The following TGM6 variants were observed in gnomAD, a reference collection of about 807,000 sequenced individuals.
TGM6 encodes transglutaminase 6, also known as protein-glutamine gamma-glutamyltransferase 6.
In TGM6, 74 loss-of-function variants were observed where a neutral mutation model predicts 77.5. The observed-to-expected ratio is 0.96, with a 90% CI of 0.79 to 1.16. The LOEUF is 1.16. Among genes scored for constraint, TGM6 ranks in the 50% most tolerant of loss-of-function variants. TGM6 has a pLI of 0.00. For missense variants in TGM6, 968 were observed against 940.2 expected, an observed-to-expected ratio of 1.03 and a Z score of -0.39; for synonymous variants, 383 against 378.9, an observed-to-expected ratio of 1.01 and a Z score of -0.12.
rs3050731 is a variant in TGM6, at chr20:2,406,831, C to CAAAAAAAAAA, written c.1336+3034_1336+3043dup. On this transcript the variant is annotated intron_variant, in intron 9 of 12. Coordinates refer to ENST00000202625, the MANE Select transcript of TGM6 (RefSeq NM_198994.3). Reference sequence around the variant, plus strand: ...CCTCAGCAACAAGTGCGAAACTCCTCAAAAAAAAAAAAAAAAAAAAAAAAA... The same window carrying CAAAAAAAAAA: ...CCTCAGCAACAAGTGCGAAACTCCTCAAAAAAAAAAAAAAAAAAAAAAAAAAAAAAAAAAA... Among the ~76,000 whole-genome samples the CAAAAAAAAAA allele has an allele frequency of 3.8e-4, 24 of 63,708 alleles. 3 individuals are homozygous for CAAAAAAAAAA. Among genetic ancestry groups the CAAAAAAAAAA allele is most frequent in the Admixed American group, 1.8e-3 (6 of 3,372 alleles). 41.8% of individuals were successfully genotyped at this position (63,708 alleles called of 152,430 possible).
chr20:2,412,719 G>A (rs916766452), intron 9 of TGM6, among the ~76,000 whole-genome samples: 2 of 152,066 alleles, frequency 1.3e-5, no homozygotes, highest in African/African-American at 4.8e-5. Context: ...AAATTAATCA[G>A]ATTTCTAGAT....
intron 10 of TGM6, among the ~76,000 whole-genome samples, chr20:2,420,260 A>C (rs548595737): frequency 1.4e-4 from 22 of 152,206 alleles, no homozygotes; most frequent in South Asian, 4.1e-4. Context: ...AACAAACAAA[A>C]AAAAAAGTGA....
chr20:2,403,804 C>A lies in TGM6; in HGVS notation c.1317C>A (p.Asp439Glu). The A allele has an allele frequency of 6.2e-7, 1 of 1,614,170 alleles. No individual in the cohort carries two copies. The highest frequency in any genetic ancestry group is 1.1e-5 in the South Asian group (1 of 91,092). Residue 439 changes from aspartate (D) to glutamate (E), a missense_variant, in exon 9 of 13, where the codon GAC (aspartate) becomes GAA (glutamate). Coordinates refer to ENST00000202625, the MANE Select transcript of TGM6 (RefSeq NM_198994.3). ...GTGACTCCCGCGTGGACATCACTGA[C>A]CTCTACAAGTATCCGGAAGGTAAGG... ...VGSDSRVDITDLYKYPEGSRK... is the reference protein window; with the variant it reads ...VGSDSRVDITELYKYPEGSRK...
Position 2,430,877 on chromosome 20 carries a change from G to C in TGM6, c.1834-17G>C. The C allele has an allele frequency of 1.2e-6, 2 of 1,614,142 alleles. No individual in the cohort carries two copies. The highest frequency in any genetic ancestry group is 8.5e-7 in the Non-Finnish European group (1 of 1,180,040). Reference sequence around the variant, plus strand: ...GGAGGGGTAGGCGCGATGGCTCATGGGTGTTGTCCCCTTCAGGTTCTGGGC... The same window carrying C: ...GGAGGGGTAGGCGCGATGGCTCATGCGTGTTGTCCCCTTCAGGTTCTGGGC... On this transcript the variant is annotated splice_polypyrimidine_tract_variant and intron_variant, in intron 11 of 12. Coordinates refer to ENST00000202625, the MANE Select transcript of TGM6 (RefSeq NM_198994.3).
intron 9 of TGM6, among the ~76,000 whole-genome samples, chr20:2,410,603 C>T (rs551797486): frequency 6.6e-6 from 1 of 152,252 alleles, no homozygotes; most frequent in Non-Finnish European, 1.5e-5. Flanking sequence ...ACACTTGTGA[C>T]TGGAGTCTGA....
chr20:2,396,182 A>C (rs75624009), intron 3 of TGM6, among the ~76,000 whole-genome samples: 7 of 3,562 alleles, frequency 2.0e-3, no homozygotes, highest in African/African-American at 3.5e-3. Context: ...CTCTATCTCA[A>C]AAAAAAAAAA....
At chr20:2,381,983 C>T (rs970613331) in intron 1 of TGM6, among the ~76,000 whole-genome samples, 7 of 40,134 alleles carry the variant, frequency 1.7e-4, no homozygotes, top group African/African-American at 1.1e-3. Context: ...CAAACTCCCT[C>T]TGCAAGAACT....
intron 9 of TGM6, among the ~76,000 whole-genome samples, chr20:2,413,799 G>A (rs1218648363): frequency 6.6e-6 from 1 of 152,106 alleles, no homozygotes; most frequent in Non-Finnish European, 1.5e-5. Flanking sequence ...AAAACTTTTG[G>A]AAGAAAACAT....
chr20:2,388,454 TC>T (rs1599943761), intron 1 of TGM6, among the ~76,000 whole-genome samples: 1 of 152,234 alleles, frequency 6.6e-6, no homozygotes, highest in East Asian at 1.9e-4. Flanking sequence ...GGAGGCAGAT[TC>T]CCAGCTCCAT....
intron 1 of TGM6, among the ~76,000 whole-genome samples, chr20:2,385,753 G>A (rs2084590656): frequency 6.6e-6 from 1 of 152,180 alleles, no homozygotes; most frequent in South Asian, 2.1e-4. Flanking sequence ...GGACGCTGCA[G>A]AGCATCAGCT....
At chr20:2,403,916 C>A in intron 9 of TGM6, 93 bp downstream of exon 9, 1 of 1,599,052 alleles carries the variant, frequency 6.3e-7, no homozygotes, top group South Asian at 1.1e-5. Context: ...CAGGCCTCAC[C>A]CCATGTATAT....
In TGM6 at chr20:2,427,948, C is replaced by T. The variant is rs541910188; in HGVS notation, c.1679-2498C>T. Among the ~76,000 whole-genome samples the T allele has an allele frequency of 3.5e-4, 53 of 152,168 alleles. 1 individual carries two copies. In the East Asian group the frequency reaches 9.1e-3, roughly 26 times the overall value. On this transcript the variant is annotated intron_variant, in intron 10 of 12. Transcript: ENST00000202625. Reference sequence around the variant, plus strand: ...GTTGTAGTTTCATTTTCATTTACTTCGAAATACTTTTAAATTTCTCTTAAG... The same window carrying T: ...GTTGTAGTTTCATTTTCATTTACTTTGAAATACTTTTAAATTTCTCTTAAG...
At chr20:2,400,068 C>G (rs2084695782) in intron 6 of TGM6, among the ~76,000 whole-genome samples, 1 of 152,200 alleles carries the variant, frequency 6.6e-6, no homozygotes, top group South Asian at 2.1e-4. Flanking sequence ...AGCCTGTCTA[C>G]TTACATGAGG....
At chr20:2,405,696 G>T (rs1374815151) in intron 9 of TGM6, among the ~76,000 whole-genome samples, 1 of 152,068 alleles carries the variant, frequency 6.6e-6, no homozygotes, top group Non-Finnish European at 1.5e-5. Flanking sequence ...GTGCTATTTG[G>T]GTCCTTTCAA....
At chr20:2,391,219 C>A (rs565161683) in intron 1 of TGM6, among the ~76,000 whole-genome samples, 247 of 151,828 alleles carry the variant, frequency 1.6e-3, no homozygotes, top group Non-Finnish European at 3.1e-3. Flanking sequence ...CATAGTACCT[C>A]CCTTAGGTGT....
In TGM6 at chr20:2,403,716, G is replaced by A. The variant is rs774605988; in HGVS notation, c.1229G>A (p.Arg410Gln). The A allele has an allele frequency of 1.5e-5, 24 of 1,614,098 alleles. No individual in the cohort carries two copies. Among genetic ancestry groups the A allele is most frequent in the Middle Eastern group, 1.6e-4 (1 of 6,084 alleles). The change falls in exon 9 of 13, where the codon CGG becomes CAG. Residue 410 changes from arginine (R) to glutamine (Q), a missense_variant. Transcript: ENST00000202625. ...TGGCTGTGGCACGAGGATGAGAGCC[G>A]GGAGCGTGTATACTCAAACACGAAG... The part of the protein sequence containing the change: ...ITWLWHEDES[R>Q]ERVYSNTKKI...
chr20:2,396,520 C>A lies in TGM6; in HGVS notation c.439C>A (p.Leu147Met), dbSNP rs762186920. The A allele has an allele frequency of 6.2e-7, 1 of 1,614,198 alleles. No homozygotes were observed. The highest frequency in any genetic ancestry group is 8.5e-7 in the Non-Finnish European group (1 of 1,180,018). ...NPWCAEDDVFLASEEERQEYV... is the reference protein window; with the variant it reads ...NPWCAEDDVFMASEEERQEYV... The stretch of plus-strand genomic sequence containing the variant: ...CTGCTTTTCAGAGGACGATGTGTTT[C>A]TGGCCTCAGAGGAGGAGAGACAGGA... Residue 147 changes from leucine (L) to methionine (M), a missense_variant, in exon 4 of 13, where the codon CTG becomes ATG. Coordinates refer to ENST00000202625, the MANE Select transcript of TGM6 (RefSeq NM_198994.3).
At position 2,427,801 on chromosome 20, in the gene TGM6, G is replaced by C. The variant is rs1414590111; in HGVS notation, c.1679-2645G>C. ...GACAGAGTCTCGTTCTGTCACCCAGGCTGGAGTGCAGTGGCACAATCATGG... is the reference window on the plus strand; with the variant it reads ...GACAGAGTCTCGTTCTGTCACCCAGCCTGGAGTGCAGTGGCACAATCATGG... On this transcript the variant is annotated intron_variant, in intron 10 of 12. Transcript: ENST00000202625. Among the ~76,000 whole-genome samples the C allele has an allele frequency of 2.0e-5, 3 of 152,222 alleles. No homozygotes were observed. In the East Asian group the frequency reaches 5.8e-4, roughly 29 times the overall value.
chr20:2,400,479 T>C (rs756264190), intron 7 of TGM6, 35 bp downstream of exon 7: 3 of 1,613,410 alleles, frequency 1.9e-6, no homozygotes, highest in African/African-American at 2.7e-5. Flanking sequence ...CCGAGGGCTC[T>C]GGAAGCCCAG....
Sources: allele counts gnomAD v4.1 joint callset (sites outside exome capture counted in the v4.1 genomes callset), GRCh38; gene constraint gnomAD v4.1.1; transcripts MANE v1.5; gene names NCBI Gene and HGNC (gene_info 2026-07-23, HGNC 2026-07-21).